Variants in RNLS observed in about 807,000 individuals in gnomAD.
RNLS encodes the protein renalase, FAD dependent amine oxidase.
A neutral mutation model predicts 39.8 loss-of-function variants in RNLS; 39 were observed. That is an observed-to-expected ratio of 0.98 (90% confidence interval 0.76 to 1.28). The LOEUF (loss-of-function observed/expected upper bound fraction) is 1.28. Ranked by LOEUF, RNLS falls within the 50% of genes most tolerant of loss-of-function variation. RNLS has a pLI of 0.00. For synonymous variants in RNLS, 147 were observed against 150.7 expected (o/e 0.98, Z 0.18); for missense variants, 410 against 413.3 (o/e 0.99, Z 0.07).
the RNLS span, among the ~76,000 whole-genome samples, chr10:88,239,284 C>T: frequency 6.6e-6 from 1 of 152,116 alleles, no homozygotes; most frequent in Non-Finnish European, 1.5e-5. Flanking sequence ...AAGTCCCTTT[C>T]CAAAGTTCCT....
intron 4 of RNLS, among the ~76,000 whole-genome samples, chr10:88,435,793 A>G (rs1465967906): frequency 6.6e-6 from 1 of 152,180 alleles, no homozygotes; most frequent in Non-Finnish European, 1.5e-5. Context: ...CACCTAGTCC[A>G]GTGGCTACCA....
chr10:88,246,023 C>A, the RNLS span, among the ~76,000 whole-genome samples: 1 of 152,180 alleles, frequency 6.6e-6, no homozygotes, highest in East Asian at 1.9e-4. Flanking sequence ...GCTAGAATTG[C>A]AACCCACATG....
At chr10:88,548,503 G>A (rs1341866628) in intron 4 of RNLS, among the ~76,000 whole-genome samples, 1 of 148,488 alleles carries the variant, frequency 6.7e-6, no homozygotes, top group Non-Finnish European at 1.5e-5. Context: ...GCCAGGCATG[G>A]TGGTGGGCGC....
At chr10:88,430,292 A>G (rs1185756250) in intron 4 of RNLS, among the ~76,000 whole-genome samples, 2 of 151,680 alleles carry the variant, frequency 1.3e-5, no homozygotes. Context: ...TTTTATTTCT[A>G]ATTGTCATTA....
chr10:88,207,904 T>C, the RNLS span, among the ~76,000 whole-genome samples: 252 of 152,214 alleles, frequency 1.7e-3, no homozygotes, highest in Middle Eastern at 3.4e-3. Flanking sequence ...CATTAGGACT[T>C]CCCTGCTTTT....
chr10:88,262,035 G>A, the RNLS span, among the ~76,000 whole-genome samples: 1 of 152,150 alleles, frequency 6.6e-6, no homozygotes. Context: ...CAAACCGGCT[G>A]GAGAAAACCT....
At chr10:88,547,137 C>A (rs921508628) in intron 4 of RNLS, among the ~76,000 whole-genome samples, 3 of 152,148 alleles carry the variant, frequency 2.0e-5, no homozygotes, top group South Asian at 2.1e-4. Context: ...CAACACCTTG[C>A]GATAATCTTC....
At chr10:88,337,520 C>T (rs1167569459) in intron 5 of RNLS, among the ~76,000 whole-genome samples, 2 of 152,154 alleles carry the variant, frequency 1.3e-5, no homozygotes, top group Admixed American at 6.5e-5. Context: ...AGACTCAATT[C>T]CAAAATTATT....
At chr10:88,231,805 A>T in the RNLS span, among the ~76,000 whole-genome samples, 26 of 152,352 alleles carry the variant, frequency 1.7e-4, no homozygotes, top group African/African-American at 5.5e-4. Context: ...ACAGGGAGAC[A>T]TGTTGTATCT....
At chr10:88,224,647 A>G in the RNLS span, among the ~76,000 whole-genome samples, 2 of 152,166 alleles carry the variant, frequency 1.3e-5, no homozygotes, top group African/African-American at 4.8e-5. Context: ...TTGGTATTAT[A>G]TAACTTTCTG....
intron 4 of RNLS, among the ~76,000 whole-genome samples, chr10:88,390,435 A>G (rs1852128298): frequency 2.0e-5 from 3 of 152,218 alleles, no homozygotes; most frequent in Admixed American, 2.0e-4. Context: ...GTGTTTGAGC[A>G]TCCAATCCCC....
chr10:88,408,082 T>C (rs1763310857), intron 4 of RNLS, among the ~76,000 whole-genome samples: 1 of 152,144 alleles, frequency 6.6e-6, no homozygotes, highest in African/African-American at 2.4e-5. Flanking sequence ...CATGCAATTA[T>C]TAAATGTGTT....
chr10:88,236,427 A>G, the RNLS span, among the ~76,000 whole-genome samples: 1 of 152,322 alleles, frequency 6.6e-6, no homozygotes, highest in East Asian at 1.9e-4. Context: ...CTTTCTTTTT[A>G]GCTAATCCTC....
chr10:88,564,293 T>A (rs759163018), intron 4 of RNLS, among the ~76,000 whole-genome samples: 3 of 149,554 alleles, frequency 2.0e-5, no homozygotes, highest in Non-Finnish European at 4.4e-5. Flanking sequence ...CATTGTGTTT[T>A]GAAAGGTTGT....
chr10:88,477,996 T>C (rs948800650), intron 4 of RNLS, among the ~76,000 whole-genome samples: 2 of 152,218 alleles, frequency 1.3e-5, no homozygotes, highest in Non-Finnish European at 2.9e-5. Flanking sequence ...CTATTTCAGA[T>C]AGATTAACAT....
At chr10:88,501,128 T>C (rs1254430639) in intron 4 of RNLS, among the ~76,000 whole-genome samples, 2 of 152,046 alleles carry the variant, frequency 1.3e-5, no homozygotes, top group East Asian at 3.9e-4. Flanking sequence ...AACTAGAAGC[T>C]TCCTCTTGCT....
rs1160042062 is a variant in RNLS, at chr10:88,581,559, A to G, written c.367+8T>C. ...TTAAAATTTAGGCAGAGAAAATCTT[A>G]CTCCCACCTGATTCTTTCAAGTAAT... is the stretch of plus-strand genomic sequence containing the variant. On this transcript the variant is annotated splice_region_variant and intron_variant, in intron 3 of 6. Transcript: ENST00000331772. 6.3e-7 allele frequency: 1 copy of G among 1,586,448 alleles called. No individual in the cohort carries two copies.
At chr10:88,191,594 A>C in the RNLS span, among the ~76,000 whole-genome samples, 11 of 152,350 alleles carry the variant, frequency 7.2e-5, no homozygotes, top group South Asian at 4.1e-4. Context: ...TGCAGGGATT[A>C]GAAGGCAAAG....
chr10:88,441,358 C>T (rs998697559), intron 4 of RNLS, among the ~76,000 whole-genome samples: 2 of 152,160 alleles, frequency 1.3e-5, no homozygotes, highest in Non-Finnish European at 2.9e-5. Context: ...TCACTGAAAT[C>T]GTGCTTTGCT....
Sources: allele counts gnomAD v4.1 joint callset (sites outside exome capture counted in the v4.1 genomes callset), GRCh38; gene constraint gnomAD v4.1.1; transcripts MANE v1.5; gene names NCBI Gene and HGNC (gene_info 2026-07-23, HGNC 2026-07-21).